The following UVRAG variants were observed in gnomAD, a reference collection of about 807,000 sequenced individuals.
UVRAG encodes UV radiation resistance associated.
A neutral mutation model predicts 78.0 loss-of-function variants in UVRAG; 19 were observed. The observed-to-expected ratio is 0.24, with a 90% confidence interval of 0.17 to 0.36. The LOEUF (loss-of-function observed/expected upper bound fraction) is 0.36. Among genes scored for constraint, UVRAG ranks in the 10% least tolerant of loss-of-function variants. UVRAG has a pLI of 1.00. For synonymous variants in UVRAG, 323 were observed against 324.6 expected, an observed-to-expected ratio of 1.00 and a Z score of 0.05; for missense variants, 740 against 853.8, an observed-to-expected ratio of 0.87 and a Z score of 1.66.
At chr11:75,921,886 T>G (rs969938575) in intron 6 of UVRAG, among the ~76,000 whole-genome samples, 2 of 152,244 alleles carry the variant, frequency 1.3e-5, no homozygotes, top group South Asian at 4.1e-4. Context: ...GATTCGCTCT[T>G]TTTTTGTTTA....
intron 7 of UVRAG, among the ~76,000 whole-genome samples, chr11:75,980,598 T>G (rs1949368531): frequency 1.3e-5 from 2 of 152,192 alleles, no homozygotes; most frequent in Admixed American, 1.3e-4. Flanking sequence ...TTCTGATGTT[T>G]GTGAGATCAA....
chr11:75,948,708 C>T (rs1433867617), intron 6 of UVRAG, among the ~76,000 whole-genome samples: 1 of 152,018 alleles, frequency 6.6e-6, no homozygotes, highest in African/African-American at 2.4e-5. Context: ...ACTAGAAGTA[C>T]ATATATGTTA....
At chr11:75,883,927 G>A (rs530104925) in intron 4 of UVRAG, among the ~76,000 whole-genome samples, 37 of 152,188 alleles carry the variant, frequency 2.4e-4, no homozygotes, top group African/African-American at 8.4e-4. Context: ...TTAAATATAG[G>A]TCTTTGTGTT....
intron 12 of UVRAG, among the ~76,000 whole-genome samples, chr11:76,022,326 C>T (rs978940464): frequency 1.3e-5 from 2 of 152,164 alleles, no homozygotes; most frequent in South Asian, 4.2e-4. Flanking sequence ...GTTCTCAAGT[C>T]CTCGATTTCC....
rs954132348 is a variant in UVRAG, at chr11:75,896,550, A to G, written c.507+7647A>G. Reference sequence around the variant, plus strand: ...TGACAACTATTACTCCAGTAAATGGAAACTTCTACTCACTAGGCTCTAAAT... The same window carrying G: ...TGACAACTATTACTCCAGTAAATGGGAACTTCTACTCACTAGGCTCTAAAT... On this transcript the variant is annotated intron_variant, in intron 5 of 14. Coordinates refer to ENST00000356136, the MANE Select transcript of UVRAG (RefSeq NM_003369.4). Among the ~76,000 whole-genome samples the G allele has an allele frequency of 7.2e-5, 11 of 152,332 alleles. No individual in the cohort carries two copies. The East Asian group carries it at 2.1e-3, about 29-fold the overall frequency.
chr11:75,828,697 GTA>G (rs139603894), intron 1 of UVRAG, among the ~76,000 whole-genome samples: 105,546 of 133,494 alleles, frequency 0.79, 42,753 homozygotes, highest in Non-Finnish European at 0.87. Flanking sequence ...ACATGTGTGT[GTA>G]TATATATATA....
chr11:75,920,109 T>G (rs1947948429), intron 6 of UVRAG, among the ~76,000 whole-genome samples: 1 of 127,088 alleles, frequency 7.9e-6, no homozygotes, highest in South Asian at 2.7e-4. Flanking sequence ...CGCTGCAACC[T>G]CCGCCTCTCC....
At chr11:75,920,019 T>G (rs991339176) in intron 6 of UVRAG, among the ~76,000 whole-genome samples, 4 of 94,208 alleles carry the variant, frequency 4.2e-5, no homozygotes, top group African/African-American at 6.0e-5. Context: ...TTTTTTTTTT[T>G]TTTTTTTTTT....
chr11:75,989,127 C>G (rs1949556350), intron 8 of UVRAG, among the ~76,000 whole-genome samples: 1 of 151,938 alleles, frequency 6.6e-6, no homozygotes, highest in Non-Finnish European at 1.5e-5. Context: ...CTGGTGTCAT[C>G]TCAGCCCACT....
intron 12 of UVRAG, among the ~76,000 whole-genome samples, chr11:76,026,178 C>G (rs192481410): frequency 6.6e-6 from 1 of 152,200 alleles, no homozygotes; most frequent in East Asian, 1.9e-4. Context: ...AATAAGTTTT[C>G]TGTAGAAATA....
chr11:76,117,868 C>T (rs1952210953), intron 14 of UVRAG, among the ~76,000 whole-genome samples: 1 of 152,214 alleles, frequency 6.6e-6, no homozygotes, highest in Admixed American at 6.5e-5. Flanking sequence ...AGTGTTAACT[C>T]CTAAAGCCAT....
chr11:76,075,495 C>T (rs1216719285), intron 13 of UVRAG, among the ~76,000 whole-genome samples: 1 of 151,980 alleles, frequency 6.6e-6, no homozygotes, highest in East Asian at 1.9e-4. Context: ...CGCCTGTAAT[C>T]CCAGCTACTT....
intron 1 of UVRAG, among the ~76,000 whole-genome samples, chr11:75,850,813 T>G (rs1314902661): frequency 6.6e-6 from 1 of 152,222 alleles, no homozygotes; most frequent in Non-Finnish European, 1.5e-5. Flanking sequence ...TAAATACATT[T>G]GAGGCTTTTC....
At chr11:75,891,441 T>TATA (rs1346772047) in intron 5 of UVRAG, among the ~76,000 whole-genome samples, 1 of 152,188 alleles carries the variant, frequency 6.6e-6, no homozygotes, top group African/African-American at 2.4e-5. Context: ...ATCTGGCACA[T>TATA]ATAATAATAA....
intron 13 of UVRAG, among the ~76,000 whole-genome samples, chr11:76,079,452 T>C (rs1012105969): frequency 6.6e-6 from 1 of 150,960 alleles, no homozygotes; most frequent in Non-Finnish European, 1.5e-5. Flanking sequence ...GCCACTGCAC[T>C]CCAGCCAGGG....
At chr11:76,056,317 A>G (rs1173108964) in intron 12 of UVRAG, among the ~76,000 whole-genome samples, 1 of 152,224 alleles carries the variant, frequency 6.6e-6, no homozygotes, top group East Asian at 1.9e-4. Flanking sequence ...ATTTTTGTAC[A>G]TGGTATTTTT....
At chr11:76,065,573 G>A in intron 12 of UVRAG, 137 bp from the exon 13 acceptor site, 1 of 639,514 alleles carries the variant, frequency 1.6e-6, no homozygotes, top group Non-Finnish European at 2.7e-6. Flanking sequence ...TCAGTAGATT[G>A]CAATGACTAT....
chr11:75,815,545 G>A, intron 1 of UVRAG, 21 bp downstream of exon 1: 1 of 1,220,906 alleles, frequency 8.2e-7, no homozygotes, highest in East Asian at 3.2e-5. Context: ...GCGGCTCGCA[G>A]CACTCGGGAG....
chr11:75,978,876 C>A (rs1044353616), intron 7 of UVRAG, among the ~76,000 whole-genome samples: 1 of 152,196 alleles, frequency 6.6e-6, no homozygotes, highest in South Asian at 2.1e-4. Flanking sequence ...TCTCTCTGCT[C>A]GTCAAAGTCT....
Sources: gnomAD v4.1 joint callset for allele counts (sites outside exome capture counted in the v4.1 genomes callset) on GRCh38, gnomAD v4.1.1 for gene constraint, MANE v1.5 for transcripts, NCBI Gene and HGNC (gene_info 2026-07-23, HGNC 2026-07-21) for gene names.